MAP9: variants seen among roughly 807,000 people sequenced by gnomAD.
MAP9 encodes the protein microtubule associated protein 9.
MAP9 carries 80 observed loss-of-function variants against 75.2 expected under a neutral mutation model. The observed-to-expected ratio is 1.06, with a 90% CI of 0.89 to 1.28. The LOEUF is 1.28. Ranked by LOEUF, MAP9 falls within the 50% of genes most tolerant of loss-of-function variation. The pLI is 0.00. For missense variants in MAP9, 753 were observed against 719.9 expected (o/e 1.05, Z -0.53); for synonymous variants, 235 against 237.3 (o/e 0.99, Z 0.09).
At chr4:155,368,973 G>A (rs1732462286) in intron 4 of MAP9, 161 bp from the exon 5 acceptor site, 3 of 589,714 alleles carry the variant, frequency 5.1e-6, no homozygotes, top group Non-Finnish European at 5.9e-6. Context: ...CAGAGCTCTA[G>A]TAAGGCACAA....
rs1471276118 is a variant in MAP9, at chr4:155,360,387, A to G, written c.831T>C (p.His277=). The G allele has an allele frequency of 1.2e-6, 2 of 1,611,636 alleles. No homozygotes were observed. Among genetic ancestry groups the G allele is most frequent in the African/African-American group, 2.7e-5 (2 of 74,826 alleles). Residue 277 remains histidine (H), a synonymous_variant, in exon 7 of 14, where the codon CAT becomes CAC. Transcript: ENST00000311277. The part of the protein sequence containing the change: ...KDPNEEITEN[H]NSLKSDENKE... ...TATTTTCATCTGATTTCAAGGAATT[A>G]TGGTTTTCAGTGATTTCTTCATTTG...
intron 12 of MAP9, 89 bp downstream of exon 12, chr4:155,352,823 T>C (rs1731578163): frequency 7.1e-7 from 1 of 1,403,720 alleles, no homozygotes; most frequent in Non-Finnish European, 9.7e-7. Flanking sequence ...TTGAAATGCA[T>C]TACTAAATTT....
chr4:155,371,362 T>C (rs1482821928), intron 4 of MAP9, among the ~76,000 whole-genome samples: 2 of 152,014 alleles, frequency 1.3e-5, no homozygotes, highest in African/African-American at 4.8e-5. Flanking sequence ...ATCATTCATA[T>C]ATTAATTTAT....
intron 6 of MAP9, 68 bp from the exon 7 acceptor site, chr4:155,360,483 T>G (rs927977576): frequency 8.3e-6 from 12 of 1,440,706 alleles, no homozygotes; most frequent in Admixed American, 6.3e-5. Flanking sequence ...CTTGATTCAT[T>G]TGCTTTCTTT....
chr4:155,366,541 G>T (rs1732340625), intron 5 of MAP9, among the ~76,000 whole-genome samples: 1 of 152,070 alleles, frequency 6.6e-6, no homozygotes, highest in Non-Finnish European at 1.5e-5. Flanking sequence ...AGCCGAAGTG[G>T]TTCTTAAAAA....
chr4:155,345,136 A>T lies in MAP9; in HGVS notation c.*2647T>A, dbSNP rs1731237385. Reference sequence around the variant, plus strand: ...AATGTATATTCAAGAGAATATTACCAAGCTTGATTCTCTCCCTTGGATCTT... The same window carrying T: ...AATGTATATTCAAGAGAATATTACCTAGCTTGATTCTCTCCCTTGGATCTT... On this transcript the variant is annotated 3_prime_UTR_variant, in exon 14 of 14. Coordinates refer to ENST00000311277, the MANE Select transcript of MAP9 (RefSeq NM_001039580.2). The T allele has an allele frequency of 6.6e-6, 1 of 152,038 alleles. No individual in the cohort carries two copies. Among genetic ancestry groups the T allele is most frequent in the Non-Finnish European group, 1.5e-5 (1 of 67,926 alleles). 9.4% of individuals were successfully genotyped at this position (152,038 alleles called of 1,614,324 possible).
At chr4:155,356,264 C>T (rs999061173) in intron 8 of MAP9, among the ~76,000 whole-genome samples, 4 of 150,598 alleles carry the variant, frequency 2.7e-5, no homozygotes, top group Non-Finnish European at 4.4e-5. Flanking sequence ...GAGACTCCAT[C>T]TCAAAAAAAA....
In MAP9 at chr4:155,343,206, ATC is replaced by A. The variant is rs1731172737; in HGVS notation, c.*4575_*4576del. The A allele has an allele frequency of 1.5e-4, 3 of 20,196 alleles. No homozygotes were observed. The highest frequency in any genetic ancestry group is 2.0e-3 in the African/African-American group (1 of 512). 1.3% of individuals were successfully genotyped at this position (20,196 alleles called of 1,614,324 possible). On this transcript the variant is annotated 3_prime_UTR_variant, in exon 14 of 14. Coordinates refer to ENST00000311277, the MANE Select transcript of MAP9 (RefSeq NM_001039580.2). ...TTTGTATTTTATATATATTATGTAC[ATC>A]ATTATATATATATGCATACATATTT...
At chr4:155,347,950 T>C in intron 13 of MAP9, 45 bp from the exon 14 acceptor site, 1 of 1,206,614 alleles carries the variant, frequency 8.3e-7, no homozygotes. Flanking sequence ...CATATATGAT[T>C]ATTATTTTCA....
At chr4:155,374,292 T>C (rs562525751) in intron 3 of MAP9, among the ~76,000 whole-genome samples, 1 of 152,160 alleles carries the variant, frequency 6.6e-6, no homozygotes, top group Admixed American at 6.5e-5. Flanking sequence ...TGAGCCGAGA[T>C]TGCACCACTG....
Position 155,357,435 on chromosome 4 carries a change from GGT to G in MAP9, c.1121+12_1121+13del, listed in dbSNP as rs1410956670. ...TGCAAGCCCATAAATGACAAATATT[GGT>G]AACTTTATTACCTGGCAGATGCACT... is the stretch of plus-strand genomic sequence containing the variant. On this transcript the variant is annotated intron_variant, in intron 8 of 13. Coordinates refer to ENST00000311277, the MANE Select transcript of MAP9 (RefSeq NM_001039580.2). 14 of 1,495,338 alleles carry G rather than the reference GGT, an allele frequency of 9.4e-6. No individual in the cohort carries two copies. The highest frequency in any genetic ancestry group is 1.2e-5 in the Non-Finnish European group (13 of 1,074,078). 92.6% of individuals were successfully genotyped at this position (1,495,338 alleles called of 1,614,324 possible).
chr4:155,348,986 A>G (rs1291162772), intron 13 of MAP9, among the ~76,000 whole-genome samples: 1 of 92,566 alleles, frequency 1.1e-5, no homozygotes, highest in Non-Finnish European at 2.1e-5. Context: ...AATGGACAGA[A>G]ACAAAGAAAA....
rs940353165 is a variant in MAP9 at position 155,344,579 on chromosome 4, G to A, written c.*3204C>T. The A allele has an allele frequency of 3.3e-5, 5 of 151,960 alleles. No individual in the cohort carries two copies. The highest frequency in any genetic ancestry group is 1.2e-4 in the African/African-American group (5 of 41,432). 9.4% of individuals were successfully genotyped at this position (151,960 alleles called of 1,614,324 possible). A position where few individuals can be genotyped will look rare whatever the true frequency, so the allele number is the denominator to read the frequency against. ...ACTGTCAGGTACTGCTTTGGCAGCA[G>A]TGAAAATATCAGTTTCAATATAACT... On this transcript the variant is annotated 3_prime_UTR_variant, in exon 14 of 14. Coordinates refer to ENST00000311277, the MANE Select transcript of MAP9 (RefSeq NM_001039580.2).
intron 6 of MAP9, 90 bp downstream of exon 6, chr4:155,361,958 T>C: frequency 2.6e-6 from 2 of 775,622 alleles, no homozygotes; most frequent in Non-Finnish European, 4.2e-6. Context: ...ATATTTCTCT[T>C]ATAACTATAC....
intron 7 of MAP9, among the ~76,000 whole-genome samples, chr4:155,358,123 T>C (rs1288352350): frequency 6.6e-6 from 1 of 152,190 alleles, no homozygotes; most frequent in East Asian, 1.9e-4. Context: ...GAAAAGGTCA[T>C]TCAGTAGAGA....
chr4:155,346,433 C>T lies in MAP9; in HGVS notation c.*1350G>A, dbSNP rs1291962856. On this transcript the variant is annotated 3_prime_UTR_variant, in exon 14 of 14. Coordinates refer to ENST00000311277, the MANE Select transcript of MAP9 (RefSeq NM_001039580.2). ...CGTTGATATTATGCAGAGGTCTTGA[C>T]AGAACTTGGCAGTCTCTGAGGCTAC... is the stretch of plus-strand genomic sequence containing the variant. The T allele has an allele frequency of 2.6e-5, 4 of 152,124 alleles. No individual in the cohort carries two copies. Among genetic ancestry groups the T allele is most frequent in the Admixed American group, 6.6e-5 (1 of 15,254 alleles). 9.4% of individuals were successfully genotyped at this position (152,124 alleles called of 1,614,324 possible).
chr4:155,363,003 C>T (rs1314447428), intron 5 of MAP9: 2 of 152,164 alleles, frequency 1.3e-5, no homozygotes, highest in Non-Finnish European at 2.9e-5. Context: ...TAATAGAAGG[C>T]TACAGCCTTG....
chr4:155,355,646 T>A (rs545919131), intron 9 of MAP9, 70 bp downstream of exon 9: 2 of 1,204,986 alleles, frequency 1.7e-6, no homozygotes, highest in Admixed American at 4.9e-5. Flanking sequence ...GATTACTTTA[T>A]TCTTTATAAA....
chr4:155,352,480 C>G, intron 13 of MAP9, 116 bp downstream of exon 13: 1 of 1,012,308 alleles, frequency 9.9e-7, no homozygotes, highest in Non-Finnish European at 1.4e-6. Flanking sequence ...TTCAACAAAG[C>G]AGATTCCAGG....
Sources: allele counts gnomAD v4.1 joint callset (sites outside exome capture counted in the v4.1 genomes callset), GRCh38; gene constraint gnomAD v4.1.1; transcripts MANE v1.5; gene names NCBI Gene and HGNC (gene_info 2026-07-23, HGNC 2026-07-21).